EYS: variants seen among roughly 807,000 people sequenced by gnomAD.
The protein encoded by EYS is EGF-like photoreceptor maintenance factor, also known as protein eyes shut homolog.
Under a neutral mutation model 282.1 loss-of-function variants are expected in EYS, and 250 were observed. The observed-to-expected ratio is 0.89, with a 90% CI of 0.80 to 0.98. EYS has a LOEUF of 0.98. Among genes scored for constraint, EYS ranks in the 50% least tolerant of loss-of-function variants. The pLI, the probability that EYS is intolerant of heterozygous loss-of-function variation, is 0.00. For missense variants in EYS, 4,016 were observed against 3,709.0 expected (o/e 1.08, Z -2.15); for synonymous variants, 1,355 against 1,282.9 (o/e 1.06, Z -1.20).
At chr6:65,018,799 A>G (rs1447391429) in intron 13 of EYS, among the ~76,000 whole-genome samples, 3 of 152,130 alleles carry the variant, frequency 2.0e-5, no homozygotes. Context: ...TGAAGCCTAT[A>G]TGCATACCCT....
intron 26 of EYS, among the ~76,000 whole-genome samples, chr6:64,550,563 C>T (rs1335198052): frequency 2.0e-5 from 3 of 152,112 alleles, no homozygotes; most frequent in Non-Finnish European, 2.9e-5. Context: ...AAGACAGATG[C>T]CCTCTCTCAC....
intron 41 of EYS, among the ~76,000 whole-genome samples, chr6:63,749,660 T>C (rs971995158): frequency 2.6e-5 from 4 of 152,174 alleles, no homozygotes; most frequent in African/African-American, 9.6e-5. Flanking sequence ...AACTCAAGTG[T>C]CTGTGGTGGT....
At chr6:64,462,539 T>C (rs1775781257) in intron 26 of EYS, among the ~76,000 whole-genome samples, 1 of 152,162 alleles carries the variant, frequency 6.6e-6, no homozygotes, top group African/African-American at 2.4e-5. Flanking sequence ...AATCCACTTT[T>C]ACTCATCCTT....
At chr6:64,294,189 A>G (rs1768819702) in intron 30 of EYS, among the ~76,000 whole-genome samples, 1 of 152,182 alleles carries the variant, frequency 6.6e-6, no homozygotes, top group Non-Finnish European at 1.5e-5. Context: ...CCAAATAACA[A>G]TCCCCATCAC....
At chr6:64,562,559 T>C (rs1765430222) in intron 26 of EYS, among the ~76,000 whole-genome samples, 1 of 151,924 alleles carries the variant, frequency 6.6e-6, no homozygotes, top group South Asian at 2.1e-4. Flanking sequence ...TTATCCTGTA[T>C]CTGGCTTAGA....
intron 12 of EYS, among the ~76,000 whole-genome samples, chr6:65,147,908 T>A (rs1764517519): frequency 6.6e-6 from 1 of 152,004 alleles, no homozygotes; most frequent in South Asian, 2.1e-4. Flanking sequence ...GGGGAAATGG[T>A]ATATGCTTGG....
Position 65,502,447 on chromosome 6 carries a change from G to GA in EYS, c.-332-6455dup, listed in dbSNP as rs536425305. ...ACAAAGTTATTAGGAAGAGAGTGCCGAATGTTCTCATGTGTACCATATTGT... is the reference window on the plus strand; with the variant it reads ...ACAAAGTTATTAGGAAGAGAGTGCCGAAATGTTCTCATGTGTACCATATTGT... On this transcript the variant is annotated intron_variant, in intron 2 of 42. Transcript: ENST00000503581. 1.1e-3 allele frequency among the ~76,000 whole-genome samples: 161 copies of GA among 151,706 alleles called. 1 individual carries two copies. Among genetic ancestry groups the GA allele is most frequent in the Middle Eastern group, 3.4e-3 (1 of 294 alleles).
At chr6:64,439,902 A>G (rs1561995580) in intron 26 of EYS, among the ~76,000 whole-genome samples, 1 of 151,916 alleles carries the variant, frequency 6.6e-6, no homozygotes, top group East Asian at 1.9e-4. Flanking sequence ...CTCCACAGTT[A>G]AATTTCTTAA....
At chr6:64,813,828 A>T (rs916719510) in intron 21 of EYS, among the ~76,000 whole-genome samples, 1 of 152,032 alleles carries the variant, frequency 6.6e-6, no homozygotes, top group African/African-American at 2.4e-5. Context: ...TTATAAAAAG[A>T]TGTATCATGT....
chr6:64,029,046 A>G (rs1269493610), intron 33 of EYS, among the ~76,000 whole-genome samples: 1 of 152,146 alleles, frequency 6.6e-6, no homozygotes, highest in African/African-American at 2.4e-5. Flanking sequence ...ATACAGCGAG[A>G]TAGCCAGGCC....
chr6:64,972,510 A>G (rs1192133869), intron 14 of EYS, among the ~76,000 whole-genome samples: 1 of 151,874 alleles, frequency 6.6e-6, no homozygotes, highest in Non-Finnish European at 1.5e-5. Context: ...ACTCTAGCCA[A>G]TCCCTCCTCT....
intron 2 of EYS, among the ~76,000 whole-genome samples, chr6:65,514,977 A>G (rs1219043530): frequency 2.0e-5 from 3 of 152,198 alleles, no homozygotes; most frequent in Non-Finnish European, 2.9e-5. Context: ...GCACAGCAAA[A>G]GAAACTACCA....
intron 12 of EYS, among the ~76,000 whole-genome samples, chr6:65,081,986 T>G (rs551356717): frequency 4.6e-5 from 7 of 152,148 alleles, no homozygotes; most frequent in African/African-American, 1.7e-4. Flanking sequence ...TCTCAGTAAT[T>G]TCTCAAACTG....
At chr6:64,277,905 T>C (rs1229844949) in intron 30 of EYS, among the ~76,000 whole-genome samples, 1 of 152,020 alleles carries the variant, frequency 6.6e-6, no homozygotes, top group Non-Finnish European at 1.5e-5. Context: ...AAATACTAAA[T>C]GATGAAATAT....
chr6:65,686,294 T>A (rs1252084932), intron 1 of EYS, among the ~76,000 whole-genome samples: 2 of 152,092 alleles, frequency 1.3e-5, no homozygotes, highest in African/African-American at 2.4e-5. Context: ...TTGATACTGA[T>A]GTCTACCTCT....
chr6:65,204,352 A>G (rs541521318), intron 12 of EYS, among the ~76,000 whole-genome samples: 1 of 151,968 alleles, frequency 6.6e-6, no homozygotes, highest in Admixed American at 6.6e-5. Context: ...CCATCAGACT[A>G]CAGCAGACTT....
chr6:64,257,923 A>G (rs2150351492), intron 30 of EYS, among the ~76,000 whole-genome samples: 1 of 152,140 alleles, frequency 6.6e-6, no homozygotes, highest in Non-Finnish European at 1.5e-5. Flanking sequence ...GATCCTGATT[A>G]CATCACATAG....
At chr6:64,314,149 C>T (rs567205781) in intron 29 of EYS, among the ~76,000 whole-genome samples, 1 of 96,338 alleles carries the variant, frequency 1.0e-5, no homozygotes, top group Non-Finnish European at 2.0e-5. Flanking sequence ...CACACACAGG[C>T]TCAAAATAAA....
chr6:63,919,561 T>G (rs1250676633), intron 35 of EYS, among the ~76,000 whole-genome samples: 1 of 152,164 alleles, frequency 6.6e-6, no homozygotes, highest in Non-Finnish European at 1.5e-5. Flanking sequence ...AAAATGATAT[T>G]AAACTGTGAC....
Sources: allele counts gnomAD v4.1 joint callset (sites outside exome capture counted in the v4.1 genomes callset), GRCh38; gene constraint gnomAD v4.1.1; transcripts MANE v1.5; gene names NCBI Gene and HGNC (gene_info 2026-07-23, HGNC 2026-07-21).